Variants in KIF7 observed in about 807,000 individuals in gnomAD.
KIF7 encodes the protein kinesin family member 7, also known as kinesin-like protein KIF7.
KIF7 carries 104 observed loss-of-function variants against 135.7 expected under a neutral mutation model. The observed-to-expected ratio is 0.77, with a 90% confidence interval of 0.65 to 0.90. KIF7 has a LOEUF of 0.90. Among genes scored for constraint, KIF7 ranks in the 40% least tolerant of loss-of-function variants. The probability of loss-of-function intolerance (pLI) is 0.00; values close to 1 mark genes in which losing one functional copy is unlikely to be tolerated. For synonymous variants in KIF7, 883 were observed against 809.4 expected (o/e 1.09, Z -1.54); for missense variants, 2,005 against 1,839.1 (o/e 1.09, Z -1.65).
At chr15:89,635,365 G>A (rs1405211309) in intron 11 of KIF7, among the ~76,000 whole-genome samples, 4 of 152,216 alleles carry the variant, frequency 2.6e-5, no homozygotes, top group African/African-American at 7.2e-5. Context: ...GGCTTCAGAT[G>A]ATCAAATTAT....
intron 2 of KIF7, chr15:89,618,013 T>A (rs1963363325): frequency 2.3e-6 from 2 of 858,916 alleles, no homozygotes; most frequent in East Asian, 4.9e-5. Flanking sequence ...AATAATCACG[T>A]ATGAGAGCCC....
intron 11 of KIF7, 87 bp from the exon 12 acceptor site, chr15:89,633,970 T>G (rs1963745755): frequency 6.9e-6 from 10 of 1,447,754 alleles, no homozygotes; most frequent in African/African-American, 1.4e-5. Flanking sequence ...GGCAGGCAGA[T>G]AGAGGGCAAA....
At chr15:89,650,644 A>G (rs991973526) in intron 2 of KIF7, among the ~76,000 whole-genome samples, 26 of 152,184 alleles carry the variant, frequency 1.7e-4, no homozygotes, top group Admixed American at 1.2e-3. Context: ...CGCCGGCCTC[A>G]GCCTCCCAAA....
At chr15:89,634,004 T>A (rs1963746846) in intron 11 of KIF7, 121 bp from the exon 12 acceptor site, 2 of 1,038,742 alleles carry the variant, frequency 1.9e-6, no homozygotes, top group African/African-American at 1.6e-5. Context: ...GATAGACCAA[T>A]AATAATAACA....
chr15:89,624,894 C>T (rs1398159596), downstream of KIF7: 1 of 1,614,116 alleles, frequency 6.2e-7, no homozygotes. Flanking sequence ...TGCACTGTAC[C>T]ACAGATGGGA....
At chr15:89,656,014 A>C (rs1240294421), upstream of KIF7, among the ~76,000 whole-genome samples, 1 of 152,220 alleles carries the variant, frequency 6.6e-6, no homozygotes, top group African/African-American at 2.4e-5. Flanking sequence ...TTGCACTGGA[A>C]GCACCATGAA....
At chr15:89,633,100 C>T in intron 13 of KIF7, 41 bp downstream of exon 13, 1 of 1,600,976 alleles carries the variant, frequency 6.2e-7, no homozygotes, top group South Asian at 1.1e-5. Flanking sequence ...CACCAGCCAG[C>T]CCCCAGGGGA....
chr15:89,627,404 A>C, downstream of KIF7: 1 of 317,940 alleles, frequency 3.1e-6, no homozygotes. Context: ...TCAGGGGGCC[A>C]CTCTGCCTCA....
chr15:89,622,345 C>T (rs1419534718), intron 1 of KIF7, among the ~76,000 whole-genome samples: 2 of 152,108 alleles, frequency 1.3e-5, no homozygotes, highest in Non-Finnish European at 2.9e-5. Flanking sequence ...TACCCTAGTT[C>T]AGGTCTACCT....
At chr15:89,624,954 G>A, downstream of KIF7, 1 of 1,614,090 alleles carries the variant, frequency 6.2e-7, no homozygotes, top group Non-Finnish European at 8.5e-7. Flanking sequence ...CATCAGCTTG[G>A]CATTCCACAG....
Position 89,651,124 on chromosome 15 carries a change from G to A in KIF7, c.329-1183C>T, listed in dbSNP as rs553404726. ...TTTTTTGTTTGTTTGTTTTTGAGAC[G>A]GAGTCTTGCTCTGTCACCAGGCTGG... On this transcript the variant is annotated intron_variant, in intron 2 of 18. Transcript: ENST00000394412. Among the ~76,000 whole-genome samples, 105 of 151,908 alleles carry A rather than the reference G, an allele frequency of 6.9e-4. 1 individual carries two copies. In the Middle Eastern group the frequency reaches 0.01, roughly 15 times the overall value.
At chr15:89,620,137 G>T (rs1377810446) in intron 1 of KIF7, among the ~76,000 whole-genome samples, 1 of 152,118 alleles carries the variant, frequency 6.6e-6, no homozygotes, top group East Asian at 1.9e-4. Context: ...ATTATCTTAG[G>T]TGGAAGGTGA....
chr15:89,632,469 T>C (rs1963700649), intron 14 of KIF7, among the ~76,000 whole-genome samples: 1 of 152,172 alleles, frequency 6.6e-6, no homozygotes, highest in Admixed American at 6.5e-5. Flanking sequence ...GTGAAATGAA[T>C]TGGAGGATGG....
chr15:89,633,447 A>G (rs1043334169), intron 12 of KIF7, among the ~76,000 whole-genome samples, 181 bp from the exon 13 acceptor site: 1 of 152,200 alleles, frequency 6.6e-6, no homozygotes, highest in Admixed American at 6.5e-5. Flanking sequence ...AACACTTAGA[A>G]ATAAGCCCCA....
rs1346022489 is a variant in KIF7 at position 89,645,582 on chromosome 15, G to A, written c.1923-131C>T. On this transcript the variant is annotated intron_variant, in intron 8 of 18. Transcript: ENST00000394412. ...CAGGGTCAATATAAACCCAGGATGT[G>A]AGTCTGGCAGAATCAGGAGTCCAGG... 6.2e-6 allele frequency: 5 copies of A among 806,568 alleles called. No individual in the cohort carries two copies. In the African/African-American group the frequency reaches 6.8e-5, roughly 11 times the overall value. 50.0% of individuals were successfully genotyped at this position (806,568 alleles called of 1,614,324 possible).
intron 11 of KIF7, among the ~76,000 whole-genome samples, chr15:89,640,287 TATAATA>T (rs1050251490): frequency 7.7e-6 from 1 of 129,648 alleles, no homozygotes; most frequent in Non-Finnish European, 1.8e-5. Flanking sequence ...AAACTTAAAG[TATAATA>T]ATAATAAATT....
the KIF7 span, among the ~76,000 whole-genome samples, chr15:89,660,563 G>A: frequency 1.3e-5 from 2 of 152,140 alleles, no homozygotes; most frequent in African/African-American, 2.4e-5. Context: ...AATCATTCAC[G>A]ACAGAACAGT....
intron 1 of KIF7, among the ~76,000 whole-genome samples, chr15:89,621,111 C>G (rs1963417931): frequency 6.6e-6 from 1 of 151,944 alleles, no homozygotes; most frequent in East Asian, 1.9e-4. Context: ...CCTCCACCTC[C>G]TGGGTTCAAG....
chr15:89,621,979 ACT>A (rs895923286), intron 1 of KIF7, among the ~76,000 whole-genome samples: 1 of 82,220 alleles, frequency 1.2e-5, no homozygotes, highest in Non-Finnish European at 2.5e-5. Context: ...TTACAAACTG[ACT>A]CTTTTTTTTT....
Sources: gnomAD v4.1 joint callset for allele counts (sites outside exome capture counted in the v4.1 genomes callset) on GRCh38, gnomAD v4.1.1 for gene constraint, MANE v1.5 for transcripts, NCBI Gene and HGNC (gene_info 2026-07-23, HGNC 2026-07-21) for gene names.